Variants in OPRM1 observed in about 807,000 individuals in gnomAD.
OPRM1 encodes mu-type opioid receptor.
OPRM1 carries 27 observed loss-of-function variants against 31.8 expected under a neutral mutation model. That is an observed-to-expected ratio of 0.85 (90% confidence interval 0.63 to 1.17). The LOEUF is 1.17. OPRM1 is among the 50% of genes most tolerant of loss of function. The probability of loss-of-function intolerance (pLI) is 0.00; values close to 1 mark genes in which losing one functional copy is unlikely to be tolerated. For synonymous variants in OPRM1, 196 were observed against 189.9 expected (o/e 1.03, Z -0.26); for missense variants, 536 against 511.1 (o/e 1.05, Z -0.47).
At chr6:154,150,206 T>C (rs1242489390) in intron 3 of OPRM1, among the ~76,000 whole-genome samples, 1 of 152,200 alleles carries the variant, frequency 6.6e-6, no homozygotes, top group Non-Finnish European at 1.5e-5. Context: ...CATATTAGTC[T>C]CCCTGGGCTC....
At chr6:154,170,307 G>C (rs1799771015) in intron 3 of OPRM1, among the ~76,000 whole-genome samples, 1 of 152,168 alleles carries the variant, frequency 6.6e-6, no homozygotes, top group African/African-American at 2.4e-5. Context: ...TCTATAGAAA[G>C]TATGGCATTA....
At chr6:154,141,050 T>G (rs1798193856) in intron 3 of OPRM1, among the ~76,000 whole-genome samples, 1 of 152,238 alleles carries the variant, frequency 6.6e-6, no homozygotes, top group Admixed American at 6.5e-5. Flanking sequence ...GGTGGTCTCA[T>G]GGTTAAGATT....
At chr6:154,221,319 C>T (rs2128616716) in intron 3 of OPRM1, 1 of 1,613,688 alleles carries the variant, frequency 6.2e-7, no homozygotes. Context: ...GATGGCTGAT[C>T]TTAAAAGCAC....
chr6:154,089,669 C>T (rs1791558215), intron 1 of OPRM1, 157 bp from the exon 2 acceptor site: 4 of 598,390 alleles, frequency 6.7e-6, no homozygotes, highest in South Asian at 6.2e-5. Context: ...ACATCATTGA[C>T]ATCATTGTAA....
intron 3 of OPRM1, among the ~76,000 whole-genome samples, chr6:154,211,370 C>CT (rs2128604826): frequency 6.6e-6 from 1 of 151,454 alleles, no homozygotes; most frequent in South Asian, 2.1e-4. Context: ...GATTGTGCCA[C>CT]TGCACTCCAG....
chr6:154,051,957 G>T (rs1253673650), intron 1 of OPRM1, among the ~76,000 whole-genome samples: 1 of 152,158 alleles, frequency 6.6e-6, no homozygotes, highest in African/African-American at 2.4e-5. Context: ...GTTGGATAAA[G>T]AAAATATGTT....
At chr6:154,069,973 G>A (rs1786303393) in intron 1 of OPRM1, among the ~76,000 whole-genome samples, 1 of 152,324 alleles carries the variant, frequency 6.6e-6, no homozygotes, top group Admixed American at 6.5e-5. Context: ...TGAAGTAGGG[G>A]GGAAATGGTC....
rs577345039 is a variant in OPRM1, at chr6:154,039,597, C to T, written c.53C>T (p.Ala18Val). Residue 18 changes from alanine (A) to valine (V), a missense_variant, in exon 1 of 4, where the codon GCG (alanine) becomes GTG (valine). Ala to Val is a moderately conservative substitution (Grantham distance 64, BLOSUM62 0). Transcript: ENST00000330432. Reference sequence around the variant, plus strand: ...GCCAGCAATTGCACTGATGCCTTGGCGTACTCAAGTTGCTCCCCAGCACCC... The same window carrying T: ...GCCAGCAATTGCACTGATGCCTTGGTGTACTCAAGTTGCTCCCCAGCACCC... The part of the protein sequence containing the change: ...TNASNCTDAL[A>V]YSSCSPAPSP... 8.7e-6 allele frequency: 14 copies of T among 1,613,842 alleles called. No homozygotes were observed. In the Admixed American group the frequency reaches 1.3e-4, roughly 15 times the overall value.
chr6:154,026,090 G>A (rs1035997944), intron 1 of OPRM1, among the ~76,000 whole-genome samples: 8 of 152,118 alleles, frequency 5.3e-5, no homozygotes, highest in African/African-American at 1.9e-4. Context: ...CTTACTGATT[G>A]AAGTACTCCC....
intron 3 of OPRM1, chr6:154,159,693 G>A (rs553667030): frequency 4.4e-6 from 3 of 681,204 alleles, no homozygotes; most frequent in South Asian, 1.7e-5. Context: ...TTCATCTAAC[G>A]TGCATCTTTA....
intron 3 of OPRM1, among the ~76,000 whole-genome samples, chr6:154,228,029 T>A (rs528470777): frequency 1.3e-5 from 2 of 152,162 alleles, no homozygotes; most frequent in East Asian, 3.9e-4. Flanking sequence ...AGAGGGCAAA[T>A]CTTGAGAGAA....
At chr6:154,136,289 C>T (rs1288110637), downstream of OPRM1, among the ~76,000 whole-genome samples, 3 of 152,116 alleles carry the variant, frequency 2.0e-5, no homozygotes, top group South Asian at 2.1e-4. Flanking sequence ...TCCTGCCCCT[C>T]GCCTCCCTGA....
intron 3 of OPRM1, among the ~76,000 whole-genome samples, chr6:154,163,532 T>C (rs1799191930): frequency 6.6e-6 from 1 of 152,212 alleles, no homozygotes; most frequent in Admixed American, 6.5e-5. Flanking sequence ...ATTATGTTTG[T>C]TTATTCTCCT....
chr6:154,241,678 G>A (rs976052690), intron 3 of OPRM1, among the ~76,000 whole-genome samples: 28 of 152,090 alleles, frequency 1.8e-4, no homozygotes, highest in Non-Finnish European at 3.4e-4. Context: ...ATGTCTGAAC[G>A]CCTGCATTTT....
rs1797347485 is a variant in OPRM1 at position 154,122,248 on chromosome 6, C to T, written c.*3527C>T. 6.6e-6 allele frequency among the ~76,000 whole-genome samples: 1 copy of T among 152,178 alleles called. No individual in the cohort carries two copies. The highest frequency in any genetic ancestry group is 2.4e-5 in the African/African-American group (1 of 41,436). On this transcript the variant is annotated 3_prime_UTR_variant, in exon 4 of 4. Transcript: ENST00000330432. The stretch of plus-strand genomic sequence containing the variant: ...ATATTATCCTCTTCATAGAAATATC[C>T]ACCAGCAGAAAATTGGTTTCTCAAG...
chr6:154,070,264 C>A (rs1562424962), intron 1 of OPRM1, among the ~76,000 whole-genome samples: 2 of 152,202 alleles, frequency 1.3e-5, no homozygotes, highest in African/African-American at 4.8e-5. Flanking sequence ...CAGGTAAGAG[C>A]AGAAATTAAC....
rs1027832401 is a variant in OPRM1, at chr6:154,010,968, TG to T, written c.-50del. The T allele has an allele frequency of 8.5e-6, 11 of 1,294,610 alleles. No individual in the cohort carries two copies. In the African/African-American group the frequency reaches 1.7e-4, roughly 20 times the overall value. 80.2% of individuals were successfully genotyped at this position (1,294,610 alleles called of 1,614,324 possible). ...ACAGAACTCTGATATCCTCTCACAC[TG>T]TGGCAGGAGAAGCAGCACAAGGCAC... is the stretch of plus-strand genomic sequence containing the variant. On this transcript the variant is annotated 5_prime_UTR_variant, in exon 1 of 6. Coordinates refer to the OPRM1 transcript ENST00000434900.
intron 3 of OPRM1, chr6:154,246,486 C>A (rs1019270904): frequency 3.8e-6 from 5 of 1,312,870 alleles, no homozygotes; most frequent in Non-Finnish European, 5.2e-6. Context: ...TTACTCCGCT[C>A]CAATTCCCAG....
intron 1 of OPRM1, among the ~76,000 whole-genome samples, chr6:154,040,986 AG>A (rs1779939097): frequency 6.6e-6 from 1 of 151,758 alleles, no homozygotes. Context: ...TTTTTTAACC[AG>A]GGGTATGTGT....
Sources: allele counts gnomAD v4.1 joint callset (sites outside exome capture counted in the v4.1 genomes callset), GRCh38; gene constraint gnomAD v4.1.1; transcripts MANE v1.5; gene names NCBI Gene and HGNC (gene_info 2026-07-23, HGNC 2026-07-21).